Variants in KCNMA1 observed in about 807,000 individuals in gnomAD.
KCNMA1 encodes potassium calcium-activated channel subfamily M alpha 1, also known as Calcium-activated potassium channel subunit alpha-1.
Under a neutral mutation model 140.0 loss-of-function variants are expected in KCNMA1, and 29 were observed. The ratio of observed to expected loss-of-function variants is 0.21; its 90% CI spans 0.15 to 0.28. The LOEUF (loss-of-function observed/expected upper bound fraction) is 0.28, where lower values mean the gene tolerates loss of function less well. Ranked by LOEUF, KCNMA1 falls within the 10% of genes least tolerant of loss-of-function variation. KCNMA1 has a pLI of 1.00. For missense variants in KCNMA1, 880 were observed against 1,602.2 expected (o/e 0.55, Z 7.70); for synonymous variants, 612 against 611.9 (o/e 1.00, Z 0.00).
chr10:77,013,609 A>G (rs988945177), intron 17 of KCNMA1, among the ~76,000 whole-genome samples: 2 of 152,196 alleles, frequency 1.3e-5, no homozygotes, highest in African/African-American at 4.8e-5. Flanking sequence ...GTTGCTCTTA[A>G]CACATAATGA....
intron 2 of KCNMA1, among the ~76,000 whole-genome samples, chr10:77,321,601 G>A (rs2082339547): frequency 6.6e-6 from 1 of 152,168 alleles, no homozygotes; most frequent in Admixed American, 6.5e-5. Context: ...ATTTTTAAAT[G>A]GCATGAGTGT....
intron 2 of KCNMA1, among the ~76,000 whole-genome samples, chr10:77,351,327 G>C (rs2092852621): frequency 6.6e-6 from 1 of 152,158 alleles, no homozygotes; most frequent in Admixed American, 6.5e-5. Flanking sequence ...CAGGATATTT[G>C]GGGAAGTTTA....
intron 1 of KCNMA1, among the ~76,000 whole-genome samples, chr10:77,571,017 G>A (rs2071058683): frequency 6.6e-6 from 1 of 151,964 alleles, no homozygotes; most frequent in Admixed American, 6.5e-5. Context: ...ACAAATGTGT[G>A]CCAATTGCTG....
chr10:77,216,372 G>A lies in KCNMA1; in HGVS notation c.603-31456C>T, dbSNP rs78801775. ...AATAAAACTATGAAGAAGAAGGGGGGAAGAGGAGAAGTGGGAAGGAAGGGT... is the reference window on the plus strand; with the variant it reads ...AATAAAACTATGAAGAAGAAGGGGGAAAGAGGAGAAGTGGGAAGGAAGGGT... On this transcript the variant is annotated intron_variant, in intron 3 of 27. Transcript: ENST00000286628. 3.4e-4 allele frequency among the ~76,000 whole-genome samples: 51 copies of A among 152,080 alleles called. 1 individual carries two copies. The East Asian group carries it at 9.3e-3, about 28-fold the overall frequency.
chr10:77,121,574 TAAA>T (rs76163676), intron 5 of KCNMA1, among the ~76,000 whole-genome samples: 2 of 126,084 alleles, frequency 1.6e-5, no homozygotes, highest in African/African-American at 2.9e-5. Context: ...TTCCTCCCAA[TAAA>T]AAAAAAAAAA....
chr10:77,122,882 T>G (rs549365356), intron 5 of KCNMA1, among the ~76,000 whole-genome samples: 1 of 152,214 alleles, frequency 6.6e-6, no homozygotes, highest in East Asian at 1.9e-4. Context: ...ATCATTATAT[T>G]TAACAAAAAG....
chr10:77,537,277 C>T (rs1045818563), intron 1 of KCNMA1, among the ~76,000 whole-genome samples: 7 of 152,168 alleles, frequency 4.6e-5, no homozygotes, highest in Admixed American at 2.0e-4. Context: ...AAATGCCTTC[C>T]GTTTGGTCCA....
intron 1 of KCNMA1, among the ~76,000 whole-genome samples, chr10:77,514,132 G>A (rs1177201819): frequency 6.6e-6 from 1 of 152,236 alleles, no homozygotes; most frequent in Non-Finnish European, 1.5e-5. Flanking sequence ...CAGGCGAAAT[G>A]TGGCCTCCCC....
chr10:77,169,259 G>A (rs1215407015), intron 5 of KCNMA1, among the ~76,000 whole-genome samples: 1 of 152,184 alleles, frequency 6.6e-6, no homozygotes, highest in Non-Finnish European at 1.5e-5. Context: ...TTGGTAAGTA[G>A]GCTGGCTAGA....
At chr10:77,202,971 T>A (rs1054519997) in intron 3 of KCNMA1, among the ~76,000 whole-genome samples, 1 of 152,210 alleles carries the variant, frequency 6.6e-6, no homozygotes, top group Admixed American at 6.5e-5. Flanking sequence ...TCTCCTGGAA[T>A]TGAAGCCTCA....
At chr10:76,935,651 C>A (rs1404757498) in intron 23 of KCNMA1, among the ~76,000 whole-genome samples, 4 of 152,132 alleles carry the variant, frequency 2.6e-5, no homozygotes, top group African/African-American at 9.7e-5. Context: ...AAGGCATTAA[C>A]CAGGCACACA....
At position 77,039,595 on chromosome 10, in the gene KCNMA1, A is replaced by C. The variant is rs2094532158; in HGVS notation, c.1792T>G (p.Ser598Ala). 1.9e-6 allele frequency: 3 copies of C among 1,612,442 alleles called. No homozygotes were observed. The highest frequency in any genetic ancestry group is 1.7e-6 in the Non-Finnish European group (2 of 1,178,468). ...AGATATTCTGTGTACATTTCATTTG[A>C]GACTCCTTCCAAGTAGTATTTCTGC... ...TWQKYYLEGVSNEMYTEYLSS... is the reference protein window; with the variant it reads ...TWQKYYLEGVANEMYTEYLSS... The change falls in exon 15 of 28, where the codon TCA (serine) becomes GCA (alanine). Residue 598 changes from serine to alanine, a missense_variant. Ser to Ala is a moderately conservative substitution (Grantham distance 99). Coordinates refer to ENST00000286628, the MANE Select transcript of KCNMA1 (RefSeq NM_001161352.2).
At position 76,953,819 on chromosome 10, in the gene KCNMA1, C is replaced by G; in HGVS notation, c.2466G>C (p.Glu822Asp). 6.2e-7 allele frequency: 1 copy of G among 1,614,094 alleles called. No individual in the cohort carries two copies. The highest frequency in any genetic ancestry group is 8.5e-7 in the Non-Finnish European group (1 of 1,179,968). ...CACTCACCAGGATGACTTTCTCTAT[C>G]TCCTTGGGTGCACACCAGTGAAACA... is the stretch of plus-strand genomic sequence containing the variant. ...TGMFHWCAPK[E>D]IEKVILTRSE... The change falls in exon 21 of 28, where the codon GAG becomes GAC. Residue 822 changes from glutamate to aspartate, a missense_variant. By Grantham distance (45) the Glu-to-Asp change is conservative. Coordinates refer to ENST00000286628, the MANE Select transcript of KCNMA1 (RefSeq NM_001161352.2).
chr10:76,955,114 G>A (rs533926704), intron 20 of KCNMA1, among the ~76,000 whole-genome samples: 4 of 152,000 alleles, frequency 2.6e-5, no homozygotes, highest in South Asian at 4.2e-4. Context: ...AATATACATC[G>A]GGTCACATTC....
chr10:77,464,309 C>T (rs734884), intron 1 of KCNMA1, among the ~76,000 whole-genome samples: 7,615 of 152,128 alleles, frequency 0.05, 460 homozygotes, highest in African/African-American at 0.14. Context: ...TACAGAAAAA[C>T]GTTTCCATTT....
chr10:77,059,266 A>G (rs1042186154), intron 14 of KCNMA1, among the ~76,000 whole-genome samples: 1 of 151,692 alleles, frequency 6.6e-6, no homozygotes, highest in African/African-American at 2.4e-5. Context: ...TCACTGCCAA[A>G]TACTACTAAA....
intron 1 of KCNMA1, among the ~76,000 whole-genome samples, chr10:77,523,497 C>A (rs749693015): frequency 5.3e-5 from 8 of 152,194 alleles, no homozygotes; most frequent in Non-Finnish European, 1.2e-4. Context: ...ATTTGCCCAA[C>A]TGGGCAATGT....
intron 2 of KCNMA1, among the ~76,000 whole-genome samples, chr10:77,344,218 G>A (rs1336545342): frequency 2.6e-5 from 4 of 152,246 alleles, no homozygotes; most frequent in Non-Finnish European, 5.9e-5. Flanking sequence ...AATGGAGACA[G>A]CAGAGTTGCG....
intron 1 of KCNMA1, among the ~76,000 whole-genome samples, chr10:77,495,569 A>G (rs1218244771): frequency 6.6e-6 from 1 of 152,198 alleles, no homozygotes; most frequent in Non-Finnish European, 1.5e-5. Context: ...TTTCTCATTC[A>G]TGAAAGGGAG....
Sources: allele counts gnomAD v4.1 joint callset (sites outside exome capture counted in the v4.1 genomes callset), GRCh38; gene constraint gnomAD v4.1.1; transcripts MANE v1.5; gene names NCBI Gene and HGNC (gene_info 2026-07-23, HGNC 2026-07-21).